The following PARD3B variants were observed in gnomAD, a reference collection of about 807,000 sequenced individuals.
The protein encoded by PARD3B is partitioning defective 3 homolog B.
Under a neutral mutation model 130.2 loss-of-function variants are expected in PARD3B, and 103 were observed. The observed-to-expected ratio is 0.79, with a 90% confidence interval of 0.67 to 0.93. PARD3B has a LOEUF of 0.93. Among genes scored for constraint, PARD3B ranks in the 40% least tolerant of loss-of-function variants. The pLI, the probability that PARD3B is intolerant of heterozygous loss-of-function variation, is 0.00. For synonymous variants in PARD3B, 583 were observed against 553.2 expected (o/e 1.05, Z -0.76); for missense variants, 1,609 against 1,499.2 (o/e 1.07, Z -1.21).
Position 205,204,208 on chromosome 2 carries a change from G to A in PARD3B, c.2140+10888G>A, listed in dbSNP as rs868356900. 3.3e-5 allele frequency among the ~76,000 whole-genome samples: 5 copies of A among 152,210 alleles called. No individual in the cohort carries two copies. The South Asian group carries it at 8.3e-4, about 25-fold the overall frequency. Reference sequence around the variant, plus strand: ...TTGCATTTGTCTAATGATCAGTGATGATGAGCTTTTCTTCATATGTTTGTT... The same window carrying A: ...TTGCATTTGTCTAATGATCAGTGATAATGAGCTTTTCTTCATATGTTTGTT... On this transcript the variant is annotated intron_variant, in intron 15 of 22. Transcript: ENST00000406610.
intron 1 of PARD3B, among the ~76,000 whole-genome samples, chr2:204,682,476 A>G (rs1049052055): frequency 2.0e-5 from 3 of 152,194 alleles, no homozygotes; most frequent in Non-Finnish European, 4.4e-5. Context: ...TTTTGTGGAT[A>G]TGTGCCACCA....
At chr2:205,088,458 T>A (rs1263620573) in intron 4 of PARD3B, among the ~76,000 whole-genome samples, 4 of 152,172 alleles carry the variant, frequency 2.6e-5, no homozygotes, top group African/African-American at 9.7e-5. Context: ...CTTGGGGGGA[T>A]GACTGAGTTG....
intron 2 of PARD3B, among the ~76,000 whole-genome samples, chr2:204,741,328 A>G (rs1243831752): frequency 6.6e-6 from 1 of 152,210 alleles, no homozygotes; most frequent in Non-Finnish European, 1.5e-5. Flanking sequence ...GTGTTACTTA[A>G]AATGAGATCT....
intron 1 of PARD3B, among the ~76,000 whole-genome samples, chr2:204,684,955 A>G (rs1310553737): frequency 1.3e-5 from 2 of 152,196 alleles, no homozygotes; most frequent in African/African-American, 4.8e-5. Flanking sequence ...ACCAAGTTGT[A>G]TTACTGGAAA....
chr2:204,876,042 GTAC>G (rs556782868), intron 2 of PARD3B, among the ~76,000 whole-genome samples: 449 of 152,246 alleles, frequency 2.9e-3, no homozygotes, highest in African/African-American at 1.0e-2. Context: ...AGAGGGAATT[GTAC>G]TCCTGTTTGC....
intron 16 of PARD3B, among the ~76,000 whole-genome samples, chr2:205,278,213 G>A (rs1428690550): frequency 6.6e-6 from 1 of 152,158 alleles, no homozygotes; most frequent in Non-Finnish European, 1.5e-5. Flanking sequence ...ATGGCAGGGG[G>A]TACAGAGAGC....
At chr2:204,681,087 G>A (rs1283022439) in intron 1 of PARD3B, among the ~76,000 whole-genome samples, 2 of 152,076 alleles carry the variant, frequency 1.3e-5, no homozygotes, top group African/African-American at 2.4e-5. Flanking sequence ...GACAGTATAT[G>A]TATTAAAGTT....
At chr2:205,518,277 A>G (rs1280101711) in intron 21 of PARD3B, among the ~76,000 whole-genome samples, 3 of 152,130 alleles carry the variant, frequency 2.0e-5, no homozygotes, top group Admixed American at 1.3e-4. Context: ...CTGGGTTTAT[A>G]TATATTTAGG....
intron 5 of PARD3B, among the ~76,000 whole-genome samples, chr2:205,106,123 A>G (rs1703191216): frequency 1.3e-5 from 2 of 151,510 alleles, no homozygotes; most frequent in African/African-American, 2.4e-5. Context: ...ACTTAAAAAT[A>G]TATATATTCT....
At chr2:204,898,278 C>G (rs987174101) in intron 2 of PARD3B, among the ~76,000 whole-genome samples, 1 of 151,608 alleles carries the variant, frequency 6.6e-6, no homozygotes, top group African/African-American at 2.4e-5. Flanking sequence ...GTATCCATCC[C>G]TTGTAGCATT....
chr2:205,418,420 A>G (rs1478094445), intron 19 of PARD3B, among the ~76,000 whole-genome samples: 1 of 147,508 alleles, frequency 6.8e-6, no homozygotes, highest in East Asian at 2.0e-4. Context: ...CAACAAGTTC[A>G]TGATTAAGGA....
At chr2:204,971,235 A>G (rs1285894655) in intron 3 of PARD3B, among the ~76,000 whole-genome samples, 1 of 152,188 alleles carries the variant, frequency 6.6e-6, no homozygotes, top group Non-Finnish European at 1.5e-5. Context: ...TTATTCCTTT[A>G]ATTAGGCTGC....
intron 1 of PARD3B, among the ~76,000 whole-genome samples, chr2:204,609,114 A>G (rs1236398640): frequency 1.3e-5 from 2 of 152,222 alleles, no homozygotes; most frequent in African/African-American, 4.8e-5. Flanking sequence ...ATTCTCCAGG[A>G]GGCAGGATTA....
Position 205,558,248 on chromosome 2 carries a change from G to C in PARD3B, c.3260+4845G>C, listed in dbSNP as rs1399266914. Among the ~76,000 whole-genome samples, 1 of 152,142 alleles carries C rather than the reference G, an allele frequency of 6.6e-6. No homozygotes were observed. Among genetic ancestry groups the C allele is most frequent in the Non-Finnish European group, 1.5e-5 (1 of 68,024 alleles). ...TGCAGGAGTAGGCATTGCTCCAGTG[G>C]TAGAGGCCATACCCAGGGCGAGTTA... On this transcript the variant is annotated intron_variant, in intron 22 of 22. Transcript: ENST00000406610. The surrounding 1 kb of genome is among the most constrained non-coding windows in gnomAD (Gnocchi z 4.8).
chr2:205,556,491 C>T (rs1340874325), intron 22 of PARD3B, among the ~76,000 whole-genome samples: 2 of 152,184 alleles, frequency 1.3e-5, no homozygotes, highest in Non-Finnish European at 2.9e-5. Flanking sequence ...GAAATAAAGC[C>T]AGAGCGCTGG....
intron 1 of PARD3B, among the ~76,000 whole-genome samples, chr2:204,584,090 C>T (rs1163162265): frequency 6.6e-6 from 1 of 152,112 alleles, no homozygotes; most frequent in Non-Finnish European, 1.5e-5. Context: ...GAATTAGATG[C>T]AAGGGTGAGG....
At chr2:205,205,743 T>A (rs1482142553) in intron 15 of PARD3B, among the ~76,000 whole-genome samples, 1 of 152,224 alleles carries the variant, frequency 6.6e-6, no homozygotes, top group Admixed American at 6.5e-5. Flanking sequence ...TGTGAAGGAT[T>A]ACATTAATTG....
intron 4 of PARD3B, among the ~76,000 whole-genome samples, chr2:205,068,529 ATTTCC>A (rs1032971288): frequency 1.3e-5 from 2 of 151,658 alleles, no homozygotes; most frequent in African/African-American, 2.4e-5. Flanking sequence ...TTTTGCTTTT[ATTTCC>A]TTTATTTTAG....
chr2:204,642,812 G>C (rs778186864), intron 1 of PARD3B, among the ~76,000 whole-genome samples: 1 of 151,534 alleles, frequency 6.6e-6, no homozygotes, highest in African/African-American at 2.4e-5. Context: ...CTGGTTGTTG[G>C]AAAGTGTTTG....
Sources: allele counts gnomAD v4.1 joint callset (sites outside exome capture counted in the v4.1 genomes callset), GRCh38; gene constraint gnomAD v4.1.1; non-coding constraint Gnocchi (gnomAD v3.1); transcripts MANE v1.5; gene names NCBI Gene and HGNC (gene_info 2026-07-23, HGNC 2026-07-21).